TEP1: variants seen among roughly 807,000 people sequenced by gnomAD.
TEP1 encodes the protein telomerase protein component 1.
TEP1 carries 241 observed loss-of-function variants against 306.3 expected under a neutral mutation model. That is an observed-to-expected ratio of 0.79 (90% CI 0.71 to 0.88). The LOEUF is 0.88. Among genes scored for constraint, TEP1 ranks in the 40% least tolerant of loss-of-function variants. TEP1 has a pLI of 0.00. For missense variants in TEP1, 3,051 were observed against 3,276.1 expected, an observed-to-expected ratio of 0.93 and a Z score of 1.68; for synonymous variants, 1,289 against 1,305.5, an observed-to-expected ratio of 0.99 and a Z score of 0.27.
chr14:20,375,840 G>T lies in TEP1; in HGVS notation c.6278C>A (p.Pro2093His). The T allele has an allele frequency of 6.2e-7, 1 of 1,613,428 alleles. No individual in the cohort carries two copies. ...GGAGTGGATCAAAACAGGGGTTTTGGGTGTCCTCACGTCCCAGCAGAGGAG... is the reference window on the plus strand; with the variant it reads ...GGAGTGGATCAAAACAGGGGTTTTGTGTGTCCTCACGTCCCAGCAGAGGAG... ...RSLLCWDVRT[P>H]KTPVLIHSFP... is the part of the protein sequence containing the mutation. Residue 2093 changes from proline to histidine, a missense_variant, in exon 43 of 55, where the codon CCC becomes CAC. Physicochemically the swap from Pro to His is moderately conservative, Grantham distance 77. This residue lies in a region of TEP1 where 1,540 missense variants were observed against 1,705.9 expected (regional missense o/e 0.90). Coordinates refer to ENST00000262715, the MANE Select transcript of TEP1 (RefSeq NM_007110.5).
intron 9 of TEP1, among the ~76,000 whole-genome samples, chr14:20,398,639 G>C (rs1048922380): frequency 1.3e-5 from 2 of 152,082 alleles, no homozygotes; most frequent in Non-Finnish European, 2.9e-5. Context: ...AATCTGCATG[G>C]TAAGTACTGG....
intron 40 of TEP1, 53 bp downstream of exon 40, chr14:20,377,547 G>C: frequency 6.2e-7 from 1 of 1,612,796 alleles, no homozygotes; most frequent in Non-Finnish European, 8.5e-7. Flanking sequence ...GTAGGGGGCA[G>C]GGGCTGCGCT....
Position 20,369,366 on chromosome 14 carries a change from A to C in TEP1, c.7634T>G (p.Leu2545Arg), listed in dbSNP as rs753896916. 6.2e-7 allele frequency: 1 copy of C among 1,613,952 alleles called. No homozygotes were observed. The highest frequency in any genetic ancestry group is 8.5e-7 in the Non-Finnish European group (1 of 1,179,944). ...ASMDSEPTPH[L>R]KTRQRRKIHS... ...CACCTTTCTACGCTGCCGTGTCTTTAGATGTGGTGTTGGCTCACTATCCAT... is the reference window on the plus strand; with the variant it reads ...CACCTTTCTACGCTGCCGTGTCTTTCGATGTGGTGTTGGCTCACTATCCAT... Residue 2545 changes from leucine to arginine, a missense_variant, in exon 53 of 55, where the codon CTA (leucine) becomes CGA (arginine). Transcript: ENST00000262715.
rs75543112 is a variant in TEP1 at position 20,366,313 on chromosome 14, C to T, written c.*2124G>A. ...GGAAGAGAGACAAATAGAGCTTCCT[C>T]CTGCAATTGGCCCAAGATTTTAGGG... On this transcript the variant is annotated 3_prime_UTR_variant, in exon 55 of 55. Coordinates refer to ENST00000262715, the MANE Select transcript of TEP1 (RefSeq NM_007110.5). 1 of 152,178 alleles carries T rather than the reference C, an allele frequency of 6.6e-6. No individual in the cohort carries two copies. Among genetic ancestry groups the T allele is most frequent in the African/African-American group, 2.4e-5 (1 of 41,426 alleles). The allele number at this position is 152,178 out of a possible 1,614,324, so 9.4% of individuals were successfully genotyped here.
rs1172254905 is a variant in TEP1 at position 20,381,388 on chromosome 14, C to G, written c.4572G>C (p.Lys1524Asn). 6.2e-7 allele frequency: 1 copy of G among 1,614,152 alleles called. No individual in the cohort carries two copies. Among genetic ancestry groups the G allele is most frequent in the South Asian group, 1.1e-5 (1 of 91,082 alleles). The change falls in exon 32 of 55, where the codon AAG (lysine) becomes AAC (asparagine). Residue 1524 changes from lysine to asparagine, a missense_variant. Around this residue, in one of 3 missense-constraint regions of TEP1, gnomAD observed 1,540 missense variants for 1,705.9 expected, o/e 0.90. Coordinates refer to ENST00000262715, the MANE Select transcript of TEP1 (RefSeq NM_007110.5). This position sits in a 1 kb window ranked among gnomAD's most constrained non-coding sequence, Gnocchi z 4.0. The part of the protein sequence containing the change: ...AHILIAAQLW[K>N]TCDADASGTF... ...TGCCTGAGGCATCAGCGTCACATGT[C>G]TTCCAGAGCTGAGCTGCATGAACAG...
At chr14:20,391,794 G>A (rs1295809252) in intron 12 of TEP1, 27 bp from the exon 13 acceptor site, 3 of 1,610,214 alleles carry the variant, frequency 1.9e-6, no homozygotes, top group Non-Finnish European at 2.5e-6. Flanking sequence ...CACAGACACA[G>A]GGGCTCAGGG....
Position 20,380,463 on chromosome 14 carries a change from G to A in TEP1, c.4775C>T (p.Pro1592Leu), listed in dbSNP as rs774422044. The change falls in exon 34 of 55, where the codon CCC becomes CTC. Residue 1592 changes from proline (P) to leucine (L), a missense_variant. Physicochemically the swap from Pro to Leu is moderately conservative, Grantham distance 98. Coordinates refer to ENST00000262715, the MANE Select transcript of TEP1 (RefSeq NM_007110.5). ...CTCGGGGAGCTTTTGTTCCTCTTTG[G>A]GGACTGAAGAAGCTATAAAAGGGTG... Reference protein sequence around the residue: ...EAHALYASSVPKEEQKLPEAD... With the variant: ...EAHALYASSVLKEEQKLPEAD... 2 of 1,612,802 alleles carry A rather than the reference G, an allele frequency of 1.2e-6. No individual in the cohort carries two copies. Among genetic ancestry groups the A allele is most frequent in the South Asian group, 2.2e-5 (2 of 91,048 alleles).
chr14:20,376,250 G>A lies in TEP1; in HGVS notation c.6103C>T (p.Gln2035Ter). Residue 2035 changes from glutamine to a stop codon, truncating the protein, a stop_gained, in exon 42 of 55, where the codon CAG becomes TAG. Transcript: ENST00000262715. LOFTEE classifies it high-confidence loss of function. ...LASASEDFTV[Q>*]LWPRQLLTRP... The stretch of plus-strand genomic sequence containing the variant: ...GTCAGCAGCTGCCTTGGCCACAGCT[G>A]CACTGTGAAATCCTCTGCATTGGAA... The A allele has an allele frequency of 6.2e-7, 1 of 1,613,710 alleles. No individual in the cohort carries two copies. The highest frequency in any genetic ancestry group is 8.5e-7 in the Non-Finnish European group (1 of 1,179,896).
intron 12 of TEP1, among the ~76,000 whole-genome samples, 171 bp from the exon 13 acceptor site, chr14:20,391,938 TC>T (rs201422723): frequency 0.039 from 5,946 of 152,168 alleles, 156 homozygotes; most frequent in South Asian, 0.09. Flanking sequence ...GGAGAGAGCT[TC>T]CCTCTGCCCC....
chr14:20,386,230 C>A (rs779279205), intron 19 of TEP1, 35 bp from the exon 20 acceptor site: 1 of 1,613,372 alleles, frequency 6.2e-7, no homozygotes. Context: ...GTGGGAGTCA[C>A]TGGGGGCATG....
intron 6 of TEP1, 22 bp from the exon 7 acceptor site, chr14:20,403,470 T>C (rs1878921711): frequency 3.7e-6 from 6 of 1,612,214 alleles, no homozygotes; most frequent in Non-Finnish European, 2.5e-6. Flanking sequence ...GGAGAAGCAA[T>C]TTCAAAAAAA....
intron 42 of TEP1, 93 bp downstream of exon 42, chr14:20,376,011 A>G (rs1885151718): frequency 3.9e-6 from 6 of 1,546,996 alleles, no homozygotes; most frequent in Non-Finnish European, 5.3e-6. Flanking sequence ...GGCAAAACAA[A>G]AAGCAGGAGG....
intron 1 of TEP1, among the ~76,000 whole-genome samples, chr14:20,411,286 T>C (rs528966544): frequency 1.3e-5 from 2 of 152,320 alleles, no homozygotes; most frequent in East Asian, 1.9e-4. Flanking sequence ...GCTTCAATCA[T>C]ACAAATTTTA....
In TEP1 at chr14:20,386,120, G is replaced by A. The variant is rs754349221; in HGVS notation, c.2937C>T (p.Tyr979=). 2 of 1,613,210 alleles carry A rather than the reference G, an allele frequency of 1.2e-6. No individual in the cohort carries two copies. Among genetic ancestry groups the A allele is most frequent in the South Asian group, 1.1e-5 (1 of 90,884 alleles). ...CAGGAAGGTTGTAGCTGGGGGGAAT[G>A]TATCCATAACGGGAGCCCAGAATCC... is the stretch of plus-strand genomic sequence containing the variant. ...FVGILGSRYG[Y]IPPSYNLPDH... is the part of the protein sequence containing the mutation. Residue 979 remains tyrosine (Y), a synonymous_variant, in exon 20 of 55, where the codon TAC becomes TAT. Transcript: ENST00000262715.
chr14:20,403,952 C>A, intron 5 of TEP1, 68 bp from the exon 6 acceptor site: 1 of 1,603,094 alleles, frequency 6.2e-7, no homozygotes, highest in Non-Finnish European at 8.5e-7. Flanking sequence ...AAAACGAGAT[C>A]ACTTCATGGA....
chr14:20,373,761 T>A lies in TEP1; in HGVS notation c.6521A>T (p.Asp2174Val). Reference sequence around the variant, plus strand: ...GCTGGTCAGCTCCACGCCTTGATGGTCCCACACTTTCAAGGTCCCATCCCG... The same window carrying A: ...GCTGGTCAGCTCCACGCCTTGATGGACCCACACTTTCAAGGTCCCATCCCG... The part of the protein sequence containing the change: ...VSRDGTLKVW[D>V]HQGVELTSIP... The change falls in exon 45 of 55, where the codon GAC becomes GTC. Residue 2174 changes from aspartate to valine, a missense_variant. Asp to Val is a radical substitution (Grantham distance 152). Transcript: ENST00000262715. 6.2e-7 allele frequency: 1 copy of A among 1,614,054 alleles called. No homozygotes were observed. The highest frequency in any genetic ancestry group is 8.5e-7 in the Non-Finnish European group (1 of 1,180,024).
chr14:20,378,198 G>T lies in TEP1; in HGVS notation c.5547C>A (p.Ala1849=), dbSNP rs1337327341. 1 of 1,613,722 alleles carries T rather than the reference G, an allele frequency of 6.2e-7. No individual in the cohort carries two copies. Among genetic ancestry groups the T allele is most frequent in the Admixed American group, 1.7e-5 (1 of 60,026 alleles). Residue 1849 remains alanine (A), a synonymous_variant, in exon 39 of 55, where the codon GCC becomes GCA. Coordinates refer to ENST00000262715, the MANE Select transcript of TEP1 (RefSeq NM_007110.5). ...GAPGASIRTL[A]FNVPGGVVAV... Reference sequence around the variant, plus strand: ...CCACAACCCCCCCAGGCACATTGAAGGCCAAGGTACGGATAGAGGCTCCGG... The same window carrying T: ...CCACAACCCCCCCAGGCACATTGAATGCCAAGGTACGGATAGAGGCTCCGG...
chr14:20,401,611 G>T (rs1878761235), intron 7 of TEP1, 30 bp from the exon 8 acceptor site: 2 of 1,612,262 alleles, frequency 1.2e-6, no homozygotes, highest in Non-Finnish European at 8.5e-7. Context: ...TCCCACAGGG[G>T]TCCTTTCATC....
intron 9 of TEP1, among the ~76,000 whole-genome samples, chr14:20,399,174 T>C (rs1878459640): frequency 6.6e-6 from 1 of 152,212 alleles, no homozygotes; most frequent in African/African-American, 2.4e-5. Context: ...ATTACAGGCG[T>C]GAGCCATGGT....
Sources: gnomAD v4.1 joint callset for allele counts (sites outside exome capture counted in the v4.1 genomes callset) on GRCh38, gnomAD v4.1.1 for gene constraint, gnomAD v4.1.1 regional missense constraint, Gnocchi (gnomAD v3.1) non-coding constraint, MANE v1.5 for transcripts, NCBI Gene and HGNC (gene_info 2026-07-23, HGNC 2026-07-21) for gene names.